The following GATAD2A variants were observed in gnomAD, a reference collection of about 807,000 sequenced individuals.
The protein encoded by GATAD2A is transcriptional repressor p66-alpha.
In GATAD2A, 12 loss-of-function variants were observed where a neutral mutation model predicts 68.5. The observed-to-expected ratio is 0.18, with a 90% CI of 0.11 to 0.28. The LOEUF is 0.28. Ranked by LOEUF, GATAD2A falls within the 10% of genes least tolerant of loss-of-function variation. The probability of loss-of-function intolerance (pLI) is 1.00; values close to 1 mark genes in which losing one functional copy is unlikely to be tolerated. For synonymous variants in GATAD2A, 410 were observed against 375.3 expected (o/e 1.09, Z -1.07); for missense variants, 755 against 868.5 (o/e 0.87, Z 1.64).
intron 2 of GATAD2A, among the ~76,000 whole-genome samples, chr19:19,490,833 C>T (rs977986245): frequency 5.3e-5 from 8 of 152,042 alleles, no homozygotes; most frequent in Admixed American, 1.3e-4. Flanking sequence ...TGCAGTGAGC[C>T]GAGATTGCAC....
At chr19:19,492,822 TATAGGGCAAGGTCCCACTCCCGC>T in intron 4 of GATAD2A, 110 bp downstream of exon 4, 1 of 1,086,328 alleles carries the variant, frequency 9.2e-7, no homozygotes, top group Non-Finnish European at 1.3e-6. Flanking sequence ...CTTGAGGGAG[TATAGGGCAAGGTCCCACTCCCGC>T]ATTTGTGGAC....
intron 1 of GATAD2A, chr19:19,434,927 G>A (rs975143399): frequency 9.8e-6 from 3 of 306,516 alleles, no homozygotes; most frequent in African/African-American, 4.4e-5. Context: ...GGCACATCAT[G>A]CCCTCATCTT....
At chr19:19,440,209 TATCTA>T (rs1338891799) in intron 1 of GATAD2A, 1 of 350,102 alleles carries the variant, frequency 2.9e-6, no homozygotes, top group Admixed American at 3.3e-5. Flanking sequence ...TGCTGTCACT[TATCTA>T]AGGAAAGGTG....
At chr19:19,475,490 C>CT (rs71170689) in intron 2 of GATAD2A, among the ~76,000 whole-genome samples, 127,595 of 151,568 alleles carry the variant, frequency 0.84, 53,847 homozygotes, top group East Asian at 1. Context: ...GAGCCCCCCC[C>CT]CCTCCACTGC....
intron 1 of GATAD2A, among the ~76,000 whole-genome samples, chr19:19,406,557 T>A (rs2050291318): frequency 6.6e-6 from 1 of 152,100 alleles, no homozygotes; most frequent in South Asian, 2.1e-4. Flanking sequence ...CCTTCCTGCC[T>A]AACCCCCGGG....
intron 2 of GATAD2A, among the ~76,000 whole-genome samples, chr19:19,487,720 G>C (rs1280104795): frequency 4.6e-5 from 7 of 152,192 alleles, no homozygotes; most frequent in Non-Finnish European, 1.0e-4. Flanking sequence ...GCCATGCTGG[G>C]CCATGTCTGT....
At chr19:19,408,508 T>C (rs1354785148) in intron 1 of GATAD2A, among the ~76,000 whole-genome samples, 2 of 152,244 alleles carry the variant, frequency 1.3e-5, no homozygotes, top group Middle Eastern at 3.4e-3. Context: ...TAGAAAACTT[T>C]TTAGTGTCTC....
chr19:19,426,867 G>T (rs1384014395), intron 1 of GATAD2A, among the ~76,000 whole-genome samples: 3 of 152,242 alleles, frequency 2.0e-5, no homozygotes, highest in Admixed American at 2.0e-4. Context: ...GGACTAGTTG[G>T]TAGTGAAGCA....
intron 1 of GATAD2A, among the ~76,000 whole-genome samples, chr19:19,410,501 T>G (rs1432323705): frequency 1.3e-5 from 2 of 152,242 alleles, no homozygotes; most frequent in Non-Finnish European, 2.9e-5. Flanking sequence ...ATCCCTCAGC[T>G]ATTCCTCCTG....
At chr19:19,487,277 C>T (rs1434416535) in intron 2 of GATAD2A, among the ~76,000 whole-genome samples, 3 of 152,232 alleles carry the variant, frequency 2.0e-5, no homozygotes, top group Non-Finnish European at 4.4e-5. Flanking sequence ...GGCTGTGCCA[C>T]AGAGTGGGGC....
chr19:19,450,081 G>A (rs535281024), intron 1 of GATAD2A, among the ~76,000 whole-genome samples: 4 of 152,282 alleles, frequency 2.6e-5, no homozygotes, highest in South Asian at 4.1e-4. Flanking sequence ...ATGAGCCACT[G>A]CACCTGGTCC....
intron 1 of GATAD2A, among the ~76,000 whole-genome samples, chr19:19,460,040 C>A (rs2147943881): frequency 6.6e-6 from 1 of 152,332 alleles, no homozygotes; most frequent in East Asian, 1.9e-4. Flanking sequence ...GGTGTCTGTT[C>A]TGCATGGGAA....
At chr19:19,429,664 G>A (rs2053514785) in intron 1 of GATAD2A, among the ~76,000 whole-genome samples, 1 of 151,788 alleles carries the variant, frequency 6.6e-6, no homozygotes, top group Non-Finnish European at 1.5e-5. Context: ...CCATGGCTGA[G>A]GGAGGAGACA....
At chr19:19,446,703 T>C (rs2055763260) in intron 1 of GATAD2A, among the ~76,000 whole-genome samples, 1 of 152,108 alleles carries the variant, frequency 6.6e-6, no homozygotes, top group African/African-American at 2.4e-5. Flanking sequence ...TTTTCATATA[T>C]GGGGTGATGT....
intron 1 of GATAD2A, chr19:19,436,325 C>T (rs2054336848): frequency 7.2e-6 from 4 of 553,448 alleles, no homozygotes; most frequent in South Asian, 6.0e-5. Flanking sequence ...CAGCCACCTC[C>T]TAGAGAAGAT....
In GATAD2A at chr19:19,464,215, G is replaced by A. The variant is rs189586855; in HGVS notation, c.-6-1125G>A. ...AGAGCATGCCACAGGTGTGAATTGG[G>A]GTTCTCTGTGGGGCCCAAGTGGGCA... On this transcript the variant is annotated intron_variant, in intron 1 of 11. Transcript: ENST00000683918. 3.9e-4 allele frequency among the ~76,000 whole-genome samples: 59 copies of A among 152,312 alleles called. 1 individual carries two copies. In the East Asian group the frequency reaches 8.1e-3, roughly 21 times the overall value.
Position 19,495,905 on chromosome 19 carries a change from TG to T in GATAD2A, c.756+25del. ...GCTCAGGTAAGCAGGGCTGTGCACA[TG>T]GGGGAGACCTGGCAGCCTCAGCAGT... is the stretch of plus-strand genomic sequence containing the variant. On this transcript the variant is annotated intron_variant, in intron 6 of 11. Coordinates refer to ENST00000683918, the MANE Select transcript of GATAD2A (RefSeq NM_001384528.1). 1 of 1,605,398 alleles carries T rather than the reference TG, an allele frequency of 6.2e-7. No homozygotes were observed. Among genetic ancestry groups the T allele is most frequent in the Non-Finnish European group, 8.5e-7 (1 of 1,173,678 alleles).
intron 2 of GATAD2A, among the ~76,000 whole-genome samples, chr19:19,475,098 A>T (rs990205589): frequency 6.6e-6 from 1 of 152,194 alleles, no homozygotes; most frequent in African/African-American, 2.4e-5. Context: ...CTTCACAGCG[A>T]TGTGCAGAGC....
chr19:19,392,454 G>A (rs1198108192), intron 1 of GATAD2A, among the ~76,000 whole-genome samples: 10 of 149,874 alleles, frequency 6.7e-5, no homozygotes, highest in Non-Finnish European at 1.5e-4. Context: ...GTGCAGTGGT[G>A]CGATCTTGGC....
Sources: allele counts gnomAD v4.1 joint callset (sites outside exome capture counted in the v4.1 genomes callset), GRCh38; gene constraint gnomAD v4.1.1; transcripts MANE v1.5; gene names NCBI Gene and HGNC (gene_info 2026-07-23, HGNC 2026-07-21).